The following LMO7 variants were observed in gnomAD, a reference collection of about 807,000 sequenced individuals.
The protein encoded by LMO7 is LIM domain 7.
Under a neutral mutation model 206.5 loss-of-function variants are expected in LMO7, and 120 were observed. The observed-to-expected ratio is 0.58, with a 90% CI of 0.50 to 0.68. LMO7 has a LOEUF of 0.68. LMO7 is among the 30% of genes least tolerant of loss of function. LMO7 has a pLI of 0.00. For missense variants in LMO7, 1,959 were observed against 1,957.9 expected (o/e 1.00, Z -0.01); for synonymous variants, 706 against 681.5 (o/e 1.04, Z -0.56).
intron 2 of LMO7, among the ~76,000 whole-genome samples, chr13:75,725,043 T>C (rs1322698088): frequency 1.3e-5 from 2 of 152,204 alleles, no homozygotes; most frequent in Non-Finnish European, 2.9e-5. Flanking sequence ...TAACTCATTA[T>C]TGGGAGACAT....
At chr13:75,658,210 C>T (rs2038237444) in intron 1 of LMO7, among the ~76,000 whole-genome samples, 1 of 152,076 alleles carries the variant, frequency 6.6e-6, no homozygotes, top group Non-Finnish European at 1.5e-5. Flanking sequence ...CCTGCTGTAC[C>T]AGTATCACTA....
At chr13:75,776,126 CAT>C (rs71127581) in intron 4 of LMO7, among the ~76,000 whole-genome samples, 13,618 of 72,966 alleles carry the variant, frequency 0.19, 1,375 homozygotes, top group East Asian at 0.3. Flanking sequence ...TACATACATA[CAT>C]ATATATATAT....
intron 1 of LMO7, among the ~76,000 whole-genome samples, chr13:75,683,610 A>G (rs540562922): frequency 4.1e-4 from 63 of 152,340 alleles, no homozygotes; most frequent in South Asian, 2.1e-4. Context: ...TGTGAACCCA[A>G]TAGTATCTGA....
chr13:75,754,248 T>G (rs1262632294), intron 3 of LMO7, among the ~76,000 whole-genome samples: 1 of 152,214 alleles, frequency 6.6e-6, no homozygotes, highest in African/African-American at 2.4e-5. Context: ...GATTTATCCA[T>G]TCTGGATATT....
At chr13:75,855,419 C>A (rs370942217) in intron 29 of LMO7, 51 bp downstream of exon 29, 6 of 1,228,632 alleles carry the variant, frequency 4.9e-6, no homozygotes, top group Non-Finnish European at 7.1e-6. Flanking sequence ...GCTTGGAGAG[C>A]GCATGGCTGC....
chr13:75,655,688 T>C (rs1043333658), intron 1 of LMO7, among the ~76,000 whole-genome samples: 4 of 81,682 alleles, frequency 4.9e-5, no homozygotes, highest in Admixed American at 1.5e-4. Context: ...TATATATATA[T>C]ATTTGTTTTA....
chr13:75,784,447 A>G (rs1485722039), intron 4 of LMO7, among the ~76,000 whole-genome samples: 2 of 152,138 alleles, frequency 1.3e-5, no homozygotes, highest in Non-Finnish European at 2.9e-5. Context: ...TGAAAATTAA[A>G]ATTTTGAAAC....
chr13:75,792,595 C>G (rs182827795), intron 4 of LMO7, among the ~76,000 whole-genome samples: 3 of 152,254 alleles, frequency 2.0e-5, no homozygotes, highest in Non-Finnish European at 4.4e-5. Flanking sequence ...GTGAGCTTCC[C>G]CTTCACCATT....
At chr13:75,733,327 A>G (rs955343715) in intron 3 of LMO7, among the ~76,000 whole-genome samples, 3 of 152,214 alleles carry the variant, frequency 2.0e-5, no homozygotes, top group Non-Finnish European at 4.4e-5. Context: ...AGCCTGGGCA[A>G]TGGCGGGCGC....
rs775233439 is a variant in LMO7 at position 75,805,476 on chromosome 13, C to T, written c.915-3C>T. 6 of 1,612,248 alleles carry T rather than the reference C, an allele frequency of 3.7e-6. No individual in the cohort carries two copies. Among genetic ancestry groups the T allele is most frequent in the African/African-American group, 1.3e-5 (1 of 74,836 alleles). On this transcript the variant is annotated splice_region_variant and splice_polypyrimidine_tract_variant and intron_variant, in intron 8 of 30. Coordinates refer to ENST00000377534, the MANE Select transcript of LMO7 (RefSeq NM_001306080.2). ...GTCTTAACCGGTTGGATGTTTTGAACAGTAATCAGAGGAGGATTTGGGGCA... is the reference window on the plus strand; with the variant it reads ...GTCTTAACCGGTTGGATGTTTTGAATAGTAATCAGAGGAGGATTTGGGGCA...
Position 75,723,292 on chromosome 13 carries a change from A to T in LMO7, c.141-3737A>T, listed in dbSNP as rs1385451942. On this transcript the variant is annotated intron_variant, in intron 2 of 30. Coordinates refer to ENST00000377534, the MANE Select transcript of LMO7 (RefSeq NM_001306080.2). ...CTTTAGTTACTAATAGAAGTTTGAT[A>T]ATGTGAGGATGTATATTTAGAAAAT... is the stretch of plus-strand genomic sequence containing the variant. Among the ~76,000 whole-genome samples, 3 of 152,232 alleles carry T rather than the reference A, an allele frequency of 2.0e-5. No individual in the cohort carries two copies. The East Asian group carries it at 5.8e-4, about 29-fold the overall frequency.
chr13:75,734,752 C>A (rs114813574), intron 3 of LMO7, among the ~76,000 whole-genome samples: 1,584 of 152,268 alleles, frequency 0.01, 25 homozygotes, highest in East Asian at 0.062. Flanking sequence ...TACCAAGTTG[C>A]CTCCATTCTA....
intron 1 of LMO7, among the ~76,000 whole-genome samples, chr13:75,662,883 A>C (rs1464994221): frequency 6.6e-6 from 1 of 152,198 alleles, no homozygotes; most frequent in Non-Finnish European, 1.5e-5. Flanking sequence ...TTGGTGGTTT[A>C]GGTCTTATAA....
intron 1 of LMO7, among the ~76,000 whole-genome samples, chr13:75,653,212 A>G (rs2037747788): frequency 6.6e-6 from 1 of 152,250 alleles, no homozygotes; most frequent in Non-Finnish European, 1.5e-5. Flanking sequence ...CATACATTGA[A>G]TATCTAAGTT....
chr13:75,716,975 C>G (rs1387927173), intron 2 of LMO7, among the ~76,000 whole-genome samples: 1 of 149,052 alleles, frequency 6.7e-6, no homozygotes, highest in Non-Finnish European at 1.5e-5. Context: ...GTTAGTCAGT[C>G]TGTACCTCCC....
intron 2 of LMO7, among the ~76,000 whole-genome samples, chr13:75,719,284 C>T (rs976131977): frequency 1.1e-4 from 16 of 151,944 alleles, no homozygotes; most frequent in African/African-American, 3.6e-4. Flanking sequence ...CCAACCAGTT[C>T]GTGTCTCTTT....
chr13:75,737,792 A>AACAAC (rs1193597580), intron 3 of LMO7, among the ~76,000 whole-genome samples: 2 of 125,850 alleles, frequency 1.6e-5, no homozygotes, highest in African/African-American at 6.2e-5. Context: ...TAAAAAAAAA[A>AACAAC]AAAAAAAAAC....
chr13:75,657,253 C>T (rs1372900087), intron 1 of LMO7, among the ~76,000 whole-genome samples: 1 of 152,192 alleles, frequency 6.6e-6, no homozygotes, highest in Non-Finnish European at 1.5e-5. Context: ...GACTTCTAGA[C>T]TTCAGAACTG....
chr13:75,828,416 C>T (rs980660737), intron 15 of LMO7, among the ~76,000 whole-genome samples: 1 of 152,146 alleles, frequency 6.6e-6, no homozygotes, highest in East Asian at 1.9e-4. Context: ...TGAGGACTGC[C>T]TTATGTATAG....
Sources: gnomAD v4.1 joint callset for allele counts (sites outside exome capture counted in the v4.1 genomes callset) on GRCh38, gnomAD v4.1.1 for gene constraint, MANE v1.5 for transcripts, NCBI Gene and HGNC (gene_info 2026-07-23, HGNC 2026-07-21) for gene names.